Variants in FKBP6 observed in about 807,000 individuals in gnomAD.
FKBP6 encodes the protein inactive peptidyl-prolyl cis-trans isomerase FKBP6.
Under a neutral mutation model 41.7 loss-of-function variants are expected in FKBP6, and 29 were observed. The observed-to-expected ratio is 0.70, with a 90% CI of 0.52 to 0.95. The LOEUF (loss-of-function observed/expected upper bound fraction) is 0.95, where lower values mean the gene tolerates loss of function less well. FKBP6 is among the 40% of genes least tolerant of loss of function. FKBP6 has a pLI of 0.00. For synonymous variants in FKBP6, 130 were observed against 165.1 expected, an observed-to-expected ratio of 0.79 and a Z score of 1.63; for missense variants, 338 against 408.7, an observed-to-expected ratio of 0.83 and a Z score of 1.49.
intron 8 of FKBP6, among the ~76,000 whole-genome samples, chr7:73,355,365 G>A (rs1805600466): frequency 6.6e-6 from 1 of 152,230 alleles, no homozygotes; most frequent in South Asian, 2.1e-4. Flanking sequence ...TGAAATGTGA[G>A]CTGAGCTTTC....
chr7:73,329,336 C>G, intron 2 of FKBP6, 24 bp from the exon 3 acceptor site: 2 of 1,431,412 alleles, frequency 1.4e-6, no homozygotes, highest in Non-Finnish European at 2.0e-6. Flanking sequence ...GTCCATTTTC[C>G]TTACATTCTT....
chr7:73,342,742 A>T, intron 7 of FKBP6, 65 bp from the exon 8 acceptor site: 1 of 1,109,986 alleles, frequency 9.0e-7, no homozygotes, highest in Non-Finnish European at 1.4e-6. Flanking sequence ...GGAGAATTCC[A>T]GCCACCAGAT....
chr7:73,336,866 C>T (rs996194013), intron 5 of FKBP6: 41 of 453,434 alleles, frequency 9.0e-5, no homozygotes, highest in Middle Eastern at 3.2e-4. Flanking sequence ...AGTACTTCCA[C>T]AAAATGGATG....
chr7:73,331,145 G>A (rs1034812722), intron 4 of FKBP6, among the ~76,000 whole-genome samples: 1 of 152,224 alleles, frequency 6.6e-6, no homozygotes, highest in African/African-American at 2.4e-5. Flanking sequence ...CGGGACCAGA[G>A]AGGCTCTATG....
At chr7:73,342,937 T>C (rs782173512) in intron 8 of FKBP6, 38 bp downstream of exon 8, 3 of 1,357,662 alleles carry the variant, frequency 2.2e-6, no homozygotes, top group African/African-American at 2.9e-5. Flanking sequence ...GGCTTCCGGA[T>C]GGAGAAGCGT....
intron 5 of FKBP6, chr7:73,339,001 C>T (rs1805090502): frequency 6.6e-6 from 1 of 152,142 alleles, no homozygotes; most frequent in South Asian, 2.1e-4. Context: ...CTTATTTGTG[C>T]TTTTGGTGTT....
intron 8 of FKBP6, among the ~76,000 whole-genome samples, chr7:73,352,486 T>G (rs1407926554): frequency 2.0e-5 from 3 of 152,198 alleles, no homozygotes; most frequent in Non-Finnish European, 4.4e-5. Flanking sequence ...AGCCAGTGCC[T>G]TGTACCTTCT....
chr7:73,340,925 T>A, intron 6 of FKBP6, 93 bp downstream of exon 6: 1 of 927,396 alleles, frequency 1.1e-6, no homozygotes, highest in Non-Finnish European at 1.7e-6. Context: ...GTCTTTTTTT[T>A]TTTTTTTTTT....
intron 5 of FKBP6, among the ~76,000 whole-genome samples, chr7:73,338,612 C>T (rs1230989539): frequency 2.0e-5 from 3 of 152,182 alleles, no homozygotes; most frequent in African/African-American, 7.2e-5. Context: ...GCGAAGCTTC[C>T]AATTTCTCCA....
intron 8 of FKBP6, among the ~76,000 whole-genome samples, chr7:73,349,575 G>T (rs782085787): frequency 6.7e-6 from 1 of 149,184 alleles, no homozygotes; most frequent in Non-Finnish European, 1.5e-5. Context: ...AAATACAGGC[G>T]TGGTGGCGCA....
At chr7:73,335,876 G>A (rs1804991879) in intron 5 of FKBP6, among the ~76,000 whole-genome samples, 2 of 152,200 alleles carry the variant, frequency 1.3e-5, no homozygotes, top group Admixed American at 1.3e-4. Context: ...AAGTAGGGAT[G>A]TGTGTGGAGC....
At chr7:73,347,760 C>T (rs1805372889) in intron 8 of FKBP6, among the ~76,000 whole-genome samples, 1 of 152,152 alleles carries the variant, frequency 6.6e-6, no homozygotes, top group Non-Finnish European at 1.5e-5. Context: ...TTCTCCCTCC[C>T]CAGCCTCCTG....
chr7:73,329,576 G>C, intron 3 of FKBP6, 127 bp downstream of exon 3: 6 of 755,216 alleles, frequency 7.9e-6, no homozygotes, highest in Non-Finnish European at 1.5e-5. Context: ...GCTGGGTTTT[G>C]GTAACACAGC....
At chr7:73,349,697 A>C (rs2115951150) in intron 8 of FKBP6, among the ~76,000 whole-genome samples, 1 of 142,770 alleles carries the variant, frequency 7.0e-6, no homozygotes, top group South Asian at 2.3e-4. Context: ...CTGGCAACAG[A>C]GCAAGACTCC....
chr7:73,340,585 T>G (rs781992464), intron 5 of FKBP6, 53 bp from the exon 6 acceptor site: 17 of 1,479,556 alleles, frequency 1.1e-5, no homozygotes, highest in Middle Eastern at 2.3e-4. Flanking sequence ...TTCTTTAGGG[T>G]TTTGTACATA....
In FKBP6 at chr7:73,339,211, A is replaced by G. The variant is rs530016309; in HGVS notation, c.589-1427A>G. ...TGCCGAAGCCAGCGCAGAGTCTTAGAGTTTTAACTCCTACTTTTAGGGCTA... is the reference window on the plus strand; with the variant it reads ...TGCCGAAGCCAGCGCAGAGTCTTAGGGTTTTAACTCCTACTTTTAGGGCTA... On this transcript the variant is annotated intron_variant, in intron 5 of 8. Transcript: ENST00000252037. The G allele has an allele frequency of 5.9e-5, 9 of 152,328 alleles. No individual in the cohort carries two copies. In the South Asian group the frequency reaches 1.2e-3, roughly 21 times the overall value. The allele number at this position is 152,328 out of a possible 1,614,324, so 9.4% of individuals were successfully genotyped here.
At chr7:73,355,498 C>G (rs1375166163) in intron 8 of FKBP6, among the ~76,000 whole-genome samples, 1 of 152,108 alleles carries the variant, frequency 6.6e-6, no homozygotes, top group East Asian at 1.9e-4. Context: ...TGATCTCCCC[C>G]CATCTGCATT....
chr7:73,353,891 G>A (rs1267940828), intron 8 of FKBP6, among the ~76,000 whole-genome samples: 4 of 152,026 alleles, frequency 2.6e-5, no homozygotes, highest in Non-Finnish European at 4.4e-5. Flanking sequence ...GCGCCACCAC[G>A]CCCGGCTTAT....
At chr7:73,347,558 C>G (rs1176746387) in intron 8 of FKBP6, among the ~76,000 whole-genome samples, 1 of 152,230 alleles carries the variant, frequency 6.6e-6, no homozygotes, top group Non-Finnish European at 1.5e-5. Context: ...TACATTACTA[C>G]TTGTAGATCC....
Sources: gnomAD v4.1 joint callset for allele counts (sites outside exome capture counted in the v4.1 genomes callset) on GRCh38, gnomAD v4.1.1 for gene constraint, MANE v1.5 for transcripts, NCBI Gene and HGNC (gene_info 2026-07-23, HGNC 2026-07-21) for gene names.